The following NACC2 variants were observed in gnomAD, a reference collection of about 807,000 sequenced individuals.
The protein encoded by NACC2 is NACC family member 2, also known as nucleus accumbens-associated protein 2.
A neutral mutation model predicts 25.1 loss-of-function variants in NACC2; 8 were observed. The ratio of observed to expected loss-of-function variants is 0.32; its 90% confidence interval spans 0.19 to 0.57. NACC2 has a LOEUF of 0.57. Ranked by LOEUF, NACC2 falls within the 20% of genes least tolerant of loss-of-function variation. The probability of loss-of-function intolerance (pLI) is 0.89; values close to 1 mark genes in which losing one functional copy is unlikely to be tolerated. For missense variants in NACC2, 644 were observed against 650.2 expected (o/e 0.99, Z 0.10); for synonymous variants, 435 against 294.7 (o/e 1.48, Z -4.88).
chr9:136,045,607 G>A (rs1227093364), intron 2 of NACC2, among the ~76,000 whole-genome samples: 1 of 152,198 alleles, frequency 6.6e-6, no homozygotes, highest in Non-Finnish European at 1.5e-5. Context: ...CTCCCCTTCA[G>A]AGGACAGGAG....
At chr9:136,056,199 C>T (rs1000154102) in intron 1 of NACC2, among the ~76,000 whole-genome samples, 1 of 152,192 alleles carries the variant, frequency 6.6e-6, no homozygotes, top group Non-Finnish European at 1.5e-5. Context: ...ACCAGCTTAG[C>T]CCTCAGGTTT....
At chr9:136,080,368 G>A (rs142782445) in intron 1 of NACC2, among the ~76,000 whole-genome samples, 7 of 152,276 alleles carry the variant, frequency 4.6e-5, no homozygotes, top group African/African-American at 9.6e-5. Context: ...AGGAAAATCC[G>A]CCCAGCAGCC....
chr9:136,062,317 C>T (rs539952842), intron 1 of NACC2, among the ~76,000 whole-genome samples: 1 of 152,308 alleles, frequency 6.6e-6, no homozygotes, highest in Admixed American at 6.5e-5. Context: ...CACCTTTGAC[C>T]TGCCATCTAC....
chr9:136,077,426 T>C (rs868529230), intron 1 of NACC2, among the ~76,000 whole-genome samples: 25 of 152,146 alleles, frequency 1.6e-4, no homozygotes, highest in African/African-American at 5.8e-4. Context: ...ACAAAGGACA[T>C]TGTTGATAAG....
At chr9:136,033,580 T>G in intron 2 of NACC2, among the ~76,000 whole-genome samples, 1 of 144,958 alleles carries the variant, frequency 6.9e-6, no homozygotes, top group Non-Finnish European at 1.5e-5. Context: ...AATTCGGGAG[T>G]TGGAGGTTGG....
At chr9:136,016,832 G>A (rs1840210631) in intron 2 of NACC2, among the ~76,000 whole-genome samples, 1 of 152,172 alleles carries the variant, frequency 6.6e-6, no homozygotes, top group Admixed American at 6.5e-5. Flanking sequence ...GCGCAAGACA[G>A]GATGGAGGAT....
intron 1 of NACC2, among the ~76,000 whole-genome samples, chr9:136,080,612 A>C (rs941565312): frequency 8.6e-5 from 13 of 151,944 alleles, no homozygotes; most frequent in Admixed American, 7.2e-4. Context: ...CGCTACTGCC[A>C]GCACACCATC....
In NACC2 at chr9:136,050,548, C is replaced by T; in HGVS notation, c.-27G>A. 1.3e-6 allele frequency: 1 copy of T among 749,006 alleles called. No homozygotes were observed. The allele number at this position is 749,006 out of a possible 1,614,324, so 46.4% of individuals were successfully genotyped here. On this transcript the variant is annotated 5_prime_UTR_variant, in exon 2 of 6. Coordinates refer to ENST00000277554, the MANE Select transcript of NACC2 (RefSeq NM_144653.5). ...GCGGGCGGGCAGCGGCGGGGCTGGG[C>T]TCTCAGCGCGGGGCGGCCCTAGCGG...
intron 1 of NACC2, among the ~76,000 whole-genome samples, chr9:136,075,042 C>T (rs559309581): frequency 4.1e-4 from 63 of 152,242 alleles, no homozygotes; most frequent in African/African-American, 1.4e-3. Context: ...CAGTAGAGGA[C>T]GTGACCTCCT....
intron 2 of NACC2, among the ~76,000 whole-genome samples, chr9:136,038,172 G>A (rs1482705931): frequency 2.0e-5 from 3 of 152,328 alleles, no homozygotes; most frequent in East Asian, 3.9e-4. Flanking sequence ...CAAAGGGGCA[G>A]GATGAGTTTA....
rs887991106 is a variant in NACC2 at position 136,020,848 on chromosome 9, G to A, written c.887-4419C>T. Among the ~76,000 whole-genome samples, 1 of 152,118 alleles carries A rather than the reference G, an allele frequency of 6.6e-6. No individual in the cohort carries two copies. The highest frequency in any genetic ancestry group is 2.1e-4 in the South Asian group (1 of 4,830). Reference sequence around the variant, plus strand: ...GGTGCACCAGCCTTTGTCAACGGAGGAGGCAGCAGCCTTCACAAATGGGGC... The same window carrying A: ...GGTGCACCAGCCTTTGTCAACGGAGAAGGCAGCAGCCTTCACAAATGGGGC... On this transcript the variant is annotated intron_variant, in intron 2 of 5. Coordinates refer to ENST00000277554, the MANE Select transcript of NACC2 (RefSeq NM_144653.5). This position sits in a 1 kb window ranked among gnomAD's most constrained non-coding sequence, Gnocchi z 4.7.
chr9:136,051,945 G>A (rs1840851015), intron 1 of NACC2, among the ~76,000 whole-genome samples: 1 of 151,986 alleles, frequency 6.6e-6, no homozygotes, highest in Non-Finnish European at 1.5e-5. Context: ...GGAGGGCAGA[G>A]CGCCTGGGCG....
At chr9:136,075,088 C>T (rs952660859) in intron 1 of NACC2, among the ~76,000 whole-genome samples, 6 of 152,256 alleles carry the variant, frequency 3.9e-5, no homozygotes, top group East Asian at 1.9e-4. Flanking sequence ...TGAAATGAGC[C>T]GATTCCACCT....
At position 136,019,666 on chromosome 9, in the gene NACC2, C is replaced by T. The variant is rs969782371; in HGVS notation, c.887-3237G>A. Among the ~76,000 whole-genome samples the T allele has an allele frequency of 2.6e-5, 4 of 152,142 alleles. No individual in the cohort carries two copies. Among genetic ancestry groups the T allele is most frequent in the African/African-American group, 7.2e-5 (3 of 41,422 alleles). On this transcript the variant is annotated intron_variant, in intron 2 of 5. Transcript: ENST00000277554. The surrounding 1 kb of genome is among the most constrained non-coding windows in gnomAD (Gnocchi z 5.2). ...GAGAGGGCCCGGAGCAGCAGCCTCC[C>T]GGGCAGCAGGGCCCAGCTACTGAGG...
intron 2 of NACC2, among the ~76,000 whole-genome samples, chr9:136,026,557 A>G (rs1269863337): frequency 6.6e-6 from 1 of 152,070 alleles, no homozygotes; most frequent in Non-Finnish European, 1.5e-5. Context: ...AAGGAAAGTG[A>G]TCTCAGATAG....
chr9:136,027,581 A>G (rs185394421), intron 2 of NACC2, among the ~76,000 whole-genome samples: 2 of 152,312 alleles, frequency 1.3e-5, no homozygotes, highest in Admixed American at 6.5e-5. Context: ...GAAAATCCAA[A>G]AAGGTTTGTA....
At chr9:136,094,731 G>A (rs952074857) in intron 1 of NACC2, among the ~76,000 whole-genome samples, 143 of 151,964 alleles carry the variant, frequency 9.4e-4, no homozygotes, top group African/African-American at 3.2e-3. Flanking sequence ...AGATGCGCCG[G>A]GAGGGGTGGG....
At chr9:136,088,961 C>CTCGGCA (rs1418108542) in intron 1 of NACC2, among the ~76,000 whole-genome samples, 1 of 152,258 alleles carries the variant, frequency 6.6e-6, no homozygotes, top group Non-Finnish European at 1.5e-5. Flanking sequence ...TGATAATGAT[C>CTCGGCA]TCGGCATCGC....
intron 2 of NACC2, among the ~76,000 whole-genome samples, chr9:136,049,419 T>C (rs939577690): frequency 2.0e-5 from 3 of 152,144 alleles, no homozygotes; most frequent in Admixed American, 2.0e-4. Flanking sequence ...ACAAGACCCT[T>C]CCTACAGGCT....
Sources: allele counts gnomAD v4.1 joint callset (sites outside exome capture counted in the v4.1 genomes callset), GRCh38; gene constraint gnomAD v4.1.1; non-coding constraint Gnocchi (gnomAD v3.1); transcripts MANE v1.5; gene names NCBI Gene and HGNC (gene_info 2026-07-23, HGNC 2026-07-21).